GLRA1: variants seen among roughly 807,000 people sequenced by gnomAD.
GLRA1 encodes the protein glycine receptor subunit alpha-1.
GLRA1 carries 37 observed loss-of-function variants against 48.3 expected under a neutral mutation model. The ratio of observed to expected loss-of-function variants is 0.77; its 90% CI spans 0.59 to 1.01. The LOEUF is 1.01. GLRA1 is among the 50% of genes least tolerant of loss of function. GLRA1 has a pLI of 0.00. For synonymous variants in GLRA1, 196 were observed against 210.7 expected (o/e 0.93, Z 0.60); for missense variants, 427 against 571.0 (o/e 0.75, Z 2.57).
At chr5:151,915,278 G>C (rs947667835) in intron 1 of GLRA1, among the ~76,000 whole-genome samples, 4 of 152,126 alleles carry the variant, frequency 2.6e-5, no homozygotes. Flanking sequence ...GGCATCCTGA[G>C]GGAAGGCAGA....
At chr5:151,868,367 A>G (rs1753389485) in intron 3 of GLRA1, among the ~76,000 whole-genome samples, 1 of 152,230 alleles carries the variant, frequency 6.6e-6, no homozygotes, top group Admixed American at 6.5e-5. Flanking sequence ...ACCACATGCA[A>G]GAAACTGTGT....
intron 1 of GLRA1, among the ~76,000 whole-genome samples, chr5:151,903,064 T>A (rs78513727): frequency 0.012 from 1,833 of 152,138 alleles, 35 homozygotes; most frequent in African/African-American, 0.036. Flanking sequence ...ACTAGTGCAA[T>A]CTCAGAGTGG....
chr5:151,870,592 T>G (rs1472655074), intron 3 of GLRA1, among the ~76,000 whole-genome samples: 1 of 149,854 alleles, frequency 6.7e-6, no homozygotes, highest in Non-Finnish European at 1.5e-5. Context: ...TGGGGACTGT[T>G]TTGTAAACAT....
At chr5:151,885,776 G>A (rs550852620) in intron 3 of GLRA1, among the ~76,000 whole-genome samples, 4 of 152,346 alleles carry the variant, frequency 2.6e-5, no homozygotes, top group African/African-American at 9.6e-5. Flanking sequence ...GTTTAATGCT[G>A]AGGGTGATGG....
chr5:151,863,893 A>G (rs1300370152), intron 3 of GLRA1, among the ~76,000 whole-genome samples: 1 of 152,178 alleles, frequency 6.6e-6, no homozygotes, highest in Non-Finnish European at 1.5e-5. Flanking sequence ...GTTCCAAGAT[A>G]TTTTATAGGA....
At position 151,824,813 on chromosome 5, in the gene GLRA1, C is replaced by T. The variant is rs114976973; in HGVS notation, c.1060-1850G>A. 4.1e-3 allele frequency among the ~76,000 whole-genome samples: 631 copies of T among 152,180 alleles called. 4 individuals are homozygous for T. The highest frequency in any genetic ancestry group is 6.3e-3 in the Non-Finnish European group (427 of 68,002). On this transcript the variant is annotated intron_variant, in intron 8 of 8. Coordinates refer to ENST00000274576, the MANE Select transcript of GLRA1 (RefSeq NM_000171.4). ...CTGTCTCTTACTAGATTATAAGCTCCGTGCAAAGTCTGTCATGTTCACTGC... is the reference window on the plus strand; with the variant it reads ...CTGTCTCTTACTAGATTATAAGCTCTGTGCAAAGTCTGTCATGTTCACTGC...
chr5:151,847,296 G>A (rs1752699538), intron 7 of GLRA1, among the ~76,000 whole-genome samples: 1 of 152,196 alleles, frequency 6.6e-6, no homozygotes, highest in Non-Finnish European at 1.5e-5. Context: ...GTGGTAGAAT[G>A]CAGCATGTAG....
At chr5:151,853,589 T>A (rs982571022) in intron 6 of GLRA1, among the ~76,000 whole-genome samples, 12 of 152,076 alleles carry the variant, frequency 7.9e-5, no homozygotes, top group Non-Finnish European at 7.4e-5. Flanking sequence ...TAAGAGTTTT[T>A]AAATATATTT....
rs563946988 is a variant in GLRA1, at chr5:151,861,535, T to G, written c.253-1527A>C. 6.6e-3 allele frequency among the ~76,000 whole-genome samples: 1,002 copies of G among 151,262 alleles called. 11 individuals carry two copies. The highest frequency in any genetic ancestry group is 0.022 in the African/African-American group (928 of 41,312). On this transcript the variant is annotated intron_variant, in intron 3 of 8. Coordinates refer to ENST00000274576, the MANE Select transcript of GLRA1 (RefSeq NM_000171.4). ...CTGCATAAATGTCTTCTTTTGAGAATTGTCTGTTCATATCCTTCACCCACT... is the reference window on the plus strand; with the variant it reads ...CTGCATAAATGTCTTCTTTTGAGAAGTGTCTGTTCATATCCTTCACCCACT...
At chr5:151,889,246 A>G (rs1303774033) in intron 2 of GLRA1, among the ~76,000 whole-genome samples, 1 of 152,264 alleles carries the variant, frequency 6.6e-6, no homozygotes, top group Admixed American at 6.5e-5. Context: ...CAGCAGGATA[A>G]TGTATATATT....
chr5:151,881,470 G>C (rs1043695566), intron 3 of GLRA1, among the ~76,000 whole-genome samples: 1 of 148,314 alleles, frequency 6.7e-6, no homozygotes, highest in African/African-American at 2.5e-5. Flanking sequence ...GGAACTACAA[G>C]CATGTGCCAC....
At chr5:151,848,501 G>A (rs920006477) in intron 7 of GLRA1, among the ~76,000 whole-genome samples, 2 of 152,236 alleles carry the variant, frequency 1.3e-5, no homozygotes, top group Non-Finnish European at 1.5e-5. Flanking sequence ...TGAGTAGCTG[G>A]GATTACAAGC....
At chr5:151,900,116 C>CATAA (rs1303703027) in intron 1 of GLRA1, among the ~76,000 whole-genome samples, 1 of 152,140 alleles carries the variant, frequency 6.6e-6, no homozygotes, top group East Asian at 1.9e-4. Flanking sequence ...ACTCTCCTGC[C>CATAA]TTATCGTATG....
intron 7 of GLRA1, among the ~76,000 whole-genome samples, chr5:151,847,043 G>A (rs1379733473): frequency 6.6e-6 from 1 of 152,184 alleles, no homozygotes; most frequent in Admixed American, 6.5e-5. Context: ...GACAGTATAT[G>A]TGGGAAAATG....
chr5:151,876,436 G>A lies in GLRA1; in HGVS notation c.252+10285C>T, dbSNP rs116801309. Among the ~76,000 whole-genome samples, 802 of 152,150 alleles carry A rather than the reference G, an allele frequency of 5.3e-3. 9 individuals carry two copies. Among genetic ancestry groups the A allele is most frequent in the African/African-American group, 0.018 (755 of 41,508 alleles). ...AAAAAAGAAAAAAGAAAAATAACTC[G>A]AAAGCACACAACAGTGCCTGACACG... On this transcript the variant is annotated intron_variant, in intron 3 of 8. Transcript: ENST00000274576.
At chr5:151,906,383 G>A (rs1056868903) in intron 1 of GLRA1, among the ~76,000 whole-genome samples, 47 of 152,160 alleles carry the variant, frequency 3.1e-4, no homozygotes, top group Non-Finnish European at 1.3e-4. Flanking sequence ...AGGAAATACC[G>A]GATGTGGGCT....
At chr5:151,848,795 GTCTCC>G (rs150481663) in intron 7 of GLRA1, 346 of 390,102 alleles carry the variant, frequency 8.9e-4, no homozygotes, top group South Asian at 1.5e-3. Flanking sequence ...CAGCACGGCG[GTCTCC>G]TCTCCTCTCC....
intron 1 of GLRA1, among the ~76,000 whole-genome samples, chr5:151,913,586 G>A (rs76027915): frequency 0.019 from 2,950 of 152,272 alleles, 47 homozygotes; most frequent in Non-Finnish European, 0.022. Flanking sequence ...AAATGCATGA[G>A]GTAGATCCAT....
At chr5:151,898,779 G>C (rs2113430314) in intron 1 of GLRA1, among the ~76,000 whole-genome samples, 1 of 152,314 alleles carries the variant, frequency 6.6e-6, no homozygotes, top group Admixed American at 6.5e-5. Context: ...GGAGTTTGAG[G>C]CACAGTCAGC....
Sources: gnomAD v4.1 joint callset for allele counts (sites outside exome capture counted in the v4.1 genomes callset) on GRCh38, gnomAD v4.1.1 for gene constraint, MANE v1.5 for transcripts, NCBI Gene and HGNC (gene_info 2026-07-23, HGNC 2026-07-21) for gene names.